SDK1: variants seen among roughly 807,000 people sequenced by gnomAD.
The protein encoded by SDK1 is sidekick cell adhesion molecule 1.
A neutral mutation model predicts 245.5 loss-of-function variants in SDK1; 157 were observed. The observed-to-expected ratio is 0.64, with a 90% confidence interval of 0.56 to 0.73. The LOEUF (loss-of-function observed/expected upper bound fraction) is 0.73. SDK1 is among the 30% of genes least tolerant of loss of function. The probability of loss-of-function intolerance (pLI) is 0.00; values close to 1 mark genes in which losing one functional copy is unlikely to be tolerated. For missense variants in SDK1, 3,583 were observed against 3,002.3 expected (o/e 1.19, Z -4.52); for synonymous variants, 1,647 against 1,278.5 (o/e 1.29, Z -6.15).
chr7:3,482,516 T>G (rs1245661383), intron 1 of SDK1, among the ~76,000 whole-genome samples: 1 of 152,086 alleles, frequency 6.6e-6, no homozygotes, highest in East Asian at 1.9e-4. Flanking sequence ...GAGAAAGAAA[T>G]CTCTGCGCAG....
chr7:3,523,974 T>C (rs1289711375), intron 1 of SDK1, among the ~76,000 whole-genome samples: 1 of 152,166 alleles, frequency 6.6e-6, no homozygotes, highest in Non-Finnish European at 1.5e-5. Flanking sequence ...GGATCCTTGA[T>C]CCTGGCCTGT....
intron 5 of SDK1, among the ~76,000 whole-genome samples, chr7:3,893,070 A>G (rs1348500724): frequency 6.6e-6 from 1 of 152,162 alleles, no homozygotes; most frequent in African/African-American, 2.4e-5. Flanking sequence ...TGGGTCCATC[A>G]TATACCCTCT....
rs1486926440 is a variant in SDK1 at position 4,074,856 on chromosome 7, T to TACTTTCTCTCTCTCTCTCTCTCTCTCTC, written c.3011-2142_3011-2141insACTTTCTCTCTCTCTCTCTCTCTCTCTC. ...CCAGCCTGGGCAACAGAGCAAGACT[T>TACTTTCTCTCTCTCTCTCTCTCTCTCTC]TCTCTCTCTCTCTCTCTCTCTCTCT... On this transcript the variant is annotated intron_variant, in intron 20 of 44. Coordinates refer to ENST00000404826, the MANE Select transcript of SDK1 (RefSeq NM_152744.4). Among the ~76,000 whole-genome samples, 299 of 72,128 alleles carry TACTTTCTCTCTCTCTCTCTCTCTCTCTC rather than the reference T, an allele frequency of 4.1e-3. 17 individuals carry two copies. Among genetic ancestry groups the TACTTTCTCTCTCTCTCTCTCTCTCTCTC allele is most frequent in the African/African-American group, 8.8e-3 (92 of 10,502 alleles). 47.3% of individuals were successfully genotyped at this position (72,128 alleles called of 152,430 possible). A position where few individuals can be genotyped will look rare whatever the true frequency, so the allele number is the denominator to read the frequency against.
intron 4 of SDK1, among the ~76,000 whole-genome samples, chr7:3,811,558 A>T (rs12113225): frequency 1.3e-5 from 2 of 152,180 alleles, no homozygotes; most frequent in African/African-American, 4.8e-5. Context: ...GAGACCGACA[A>T]TATGCACCCA....
chr7:3,436,138 G>A (rs563047311), intron 1 of SDK1, among the ~76,000 whole-genome samples: 1 of 152,150 alleles, frequency 6.6e-6, no homozygotes, highest in African/African-American at 2.4e-5. Context: ...AATGAACACT[G>A]AAGACATTTT....
In SDK1 at chr7:3,866,710, A is replaced by C. The variant is rs1461761561; in HGVS notation, c.847+45127A>C. On this transcript the variant is annotated intron_variant, in intron 5 of 44. Coordinates refer to ENST00000404826, the MANE Select transcript of SDK1 (RefSeq NM_152744.4). ...ACTGAGCATTGATTGTGAGGCATAC[A>C]GACACCAGGCTGGTTAGAGTGGGGA... Among the ~76,000 whole-genome samples, 3 of 152,310 alleles carry C rather than the reference A, an allele frequency of 2.0e-5. No homozygotes were observed. The East Asian group carries it at 5.8e-4, about 29-fold the overall frequency.
At chr7:4,242,091 G>A (rs949232413) in intron 43 of SDK1, among the ~76,000 whole-genome samples, 178 bp downstream of exon 43, 4 of 152,204 alleles carry the variant, frequency 2.6e-5, no homozygotes, top group South Asian at 2.1e-4. Flanking sequence ...TAGGAGGGAC[G>A]GGGTCGGCAG....
intron 35 of SDK1, among the ~76,000 whole-genome samples, chr7:4,192,013 TC>T (rs1230547890): frequency 6.6e-6 from 1 of 152,100 alleles, no homozygotes; most frequent in African/African-American, 2.4e-5. Flanking sequence ...CCAGCCACAC[TC>T]TCTTCCGAGA....
chr7:4,143,535 C>T (rs1006951458), intron 28 of SDK1, among the ~76,000 whole-genome samples: 4 of 152,160 alleles, frequency 2.6e-5, no homozygotes, highest in East Asian at 1.9e-4. Context: ...CTGCATGGCT[C>T]ATCCACGGTC....
chr7:3,409,535 C>T (rs1233540907), intron 1 of SDK1, among the ~76,000 whole-genome samples: 2 of 152,132 alleles, frequency 1.3e-5, no homozygotes, highest in Admixed American at 6.5e-5. Flanking sequence ...CGCAAATGTA[C>T]ATTTAGTGAA....
chr7:3,612,734 G>A (rs774621511), intron 1 of SDK1, among the ~76,000 whole-genome samples: 3 of 152,218 alleles, frequency 2.0e-5, no homozygotes, highest in Admixed American at 6.5e-5. Context: ...AAATTCAGCT[G>A]TGGCAAAAGC....
At chr7:4,113,518 A>T in intron 24 of SDK1, 79 bp downstream of exon 24, 1 of 1,495,934 alleles carries the variant, frequency 6.7e-7, no homozygotes, top group Non-Finnish European at 9.1e-7. Flanking sequence ...AGGGCTTAGG[A>T]GTTTCTTAGT....
intron 17 of SDK1, among the ~76,000 whole-genome samples, chr7:4,032,185 A>G (rs1787871044): frequency 6.6e-6 from 1 of 152,204 alleles, no homozygotes; most frequent in East Asian, 1.9e-4. Flanking sequence ...GGAAAAGCTA[A>G]AATGGTAAAA....
intron 18 of SDK1, among the ~76,000 whole-genome samples, chr7:4,050,516 A>G (rs1295101115): frequency 6.6e-6 from 1 of 152,272 alleles, no homozygotes; most frequent in African/African-American, 2.4e-5. Context: ...GTCCTGCAGC[A>G]TGTCAACTTT....
chr7:4,085,424 G>T (rs1035289976), intron 22 of SDK1, among the ~76,000 whole-genome samples: 1 of 152,126 alleles, frequency 6.6e-6, no homozygotes, highest in African/African-American at 2.4e-5. Flanking sequence ...TTGCAGTACT[G>T]TTCTAAAGCC....
At chr7:3,904,477 TGAGTCCAG>T (rs1351070150) in intron 5 of SDK1, among the ~76,000 whole-genome samples, 2 of 151,618 alleles carry the variant, frequency 1.3e-5, no homozygotes, top group Non-Finnish European at 2.9e-5. Context: ...GAGGATCGCT[TGAGTCCAG>T]GAGTTCAAGA....
At chr7:3,901,268 C>G (rs1011233257) in intron 5 of SDK1, among the ~76,000 whole-genome samples, 1 of 152,014 alleles carries the variant, frequency 6.6e-6, no homozygotes, top group East Asian at 1.9e-4. Context: ...CTCACTGCAA[C>G]CTCCGCCTCC....
intron 14 of SDK1, among the ~76,000 whole-genome samples, chr7:4,000,276 C>T (rs1784975890): frequency 6.6e-6 from 1 of 152,218 alleles, no homozygotes. Flanking sequence ...GCAATATCCT[C>T]CAGGCAGCTT....
At chr7:3,393,302 A>G (rs1031779295) in intron 1 of SDK1, among the ~76,000 whole-genome samples, 2 of 152,086 alleles carry the variant, frequency 1.3e-5, no homozygotes, top group African/African-American at 2.4e-5. Context: ...ATGTATACCC[A>G]GGAGTGAAGT....
Sources: gnomAD v4.1 joint callset for allele counts (sites outside exome capture counted in the v4.1 genomes callset) on GRCh38, gnomAD v4.1.1 for gene constraint, MANE v1.5 for transcripts, NCBI Gene and HGNC (gene_info 2026-07-23, HGNC 2026-07-21) for gene names.